The following JADE1 variants were observed in gnomAD, a reference collection of about 807,000 sequenced individuals.
The protein encoded by JADE1 is protein Jade-1.
Under a neutral mutation model 81.8 loss-of-function variants are expected in JADE1, and 14 were observed. The ratio of observed to expected loss-of-function variants is 0.17; its 90% CI spans 0.11 to 0.27. The LOEUF is 0.27. JADE1 is among the 10% of genes least tolerant of loss of function. The pLI is 1.00. For missense variants in JADE1, 690 were observed against 1,047.9 expected (o/e 0.66, Z 4.71); for synonymous variants, 353 against 391.9 (o/e 0.90, Z 1.17).
chr4:128,834,250 A>G (rs1728788997), intron 2 of JADE1, among the ~76,000 whole-genome samples: 2 of 152,336 alleles, frequency 1.3e-5, no homozygotes, highest in South Asian at 4.1e-4. Context: ...AGGTACTGGC[A>G]GGTGTGGTTT....
intron 10 of JADE1, among the ~76,000 whole-genome samples, chr4:128,870,195 T>A (rs1040720848): frequency 6.6e-6 from 1 of 152,238 alleles, no homozygotes; most frequent in Non-Finnish European, 1.5e-5. Flanking sequence ...TGAAGGTTGA[T>A]TCTAATGATT....
At chr4:128,851,910 C>T (rs1730389554) in intron 5 of JADE1, 147 bp from the exon 6 acceptor site, 1 of 631,794 alleles carries the variant, frequency 1.6e-6, no homozygotes, top group Non-Finnish European at 2.7e-6. Context: ...ATGTGAGCCA[C>T]CACGCCTGGC....
At chr4:128,827,360 G>A (rs1213928081) in intron 1 of JADE1, among the ~76,000 whole-genome samples, 2 of 152,244 alleles carry the variant, frequency 1.3e-5, no homozygotes, top group Non-Finnish European at 2.9e-5. Context: ...GAATATAAGT[G>A]TTTGGAGTTG....
chr4:128,841,393 A>G (rs1339911964), intron 2 of JADE1, among the ~76,000 whole-genome samples: 3 of 152,190 alleles, frequency 2.0e-5, no homozygotes, highest in Non-Finnish European at 4.4e-5. Context: ...ACAAATTAAC[A>G]GGAGGCAGAG....
At chr4:128,857,868 G>A (rs138362077) in intron 8 of JADE1, among the ~76,000 whole-genome samples, 6 of 152,242 alleles carry the variant, frequency 3.9e-5, no homozygotes, top group African/African-American at 1.2e-4. Context: ...GCAGACCCTG[G>A]CCCACCTCTG....
chr4:128,821,493 CTTTTT>C (rs66551703), intron 1 of JADE1, among the ~76,000 whole-genome samples: 2 of 118,830 alleles, frequency 1.7e-5, no homozygotes, highest in Admixed American at 8.6e-5. Context: ...ATGGCTTCTT[CTTTTT>C]TTTTTTTTTT....
Position 128,852,027 on chromosome 4 carries a change from A to T in JADE1, c.485-30A>T, listed in dbSNP as rs752604893. 20 of 1,425,234 alleles carry T rather than the reference A, an allele frequency of 1.4e-5. No individual in the cohort carries two copies. The East Asian group carries it at 4.5e-4, about 32-fold the overall frequency. The allele number at this position is 1,425,234 out of a possible 1,614,324, so 88.3% of individuals were successfully genotyped here. A position where few individuals can be genotyped will look rare whatever the true frequency, so the allele number is the denominator to read the frequency against. On this transcript the variant is annotated intron_variant, in intron 5 of 10. Transcript: ENST00000226319. ...AATATTTATTAATATGGATTTATTA[A>T]AATGGGTTTTGTGGCATTTTTAACT...
intron 9 of JADE1, 86 bp from the exon 10 acceptor site, chr4:128,867,770 T>C: frequency 1.3e-6 from 1 of 769,344 alleles, no homozygotes; most frequent in South Asian, 1.9e-5. Flanking sequence ...GTAGGAGTAA[T>C]TTCTCTTAGG....
At chr4:128,823,713 T>C (rs1727784470) in intron 1 of JADE1, among the ~76,000 whole-genome samples, 1 of 152,266 alleles carries the variant, frequency 6.6e-6, no homozygotes, top group Non-Finnish European at 1.5e-5. Context: ...TATTTGTCAG[T>C]TAAATGTATG....
Position 128,873,152 on chromosome 4 carries a change from G to A in JADE1, c.*890G>A, listed in dbSNP as rs1732314358. ...GTACAGTGGCTACTCAAGTTCAAGC[G>A]AAGAACTTCCAGACTCTGGTGACTG... On this transcript the variant is annotated 3_prime_UTR_variant, in exon 11 of 11. Coordinates refer to ENST00000226319, the MANE Select transcript of JADE1 (RefSeq NM_199320.4). The A allele has an allele frequency of 2.5e-5, 5 of 201,826 alleles. No homozygotes were observed. Among genetic ancestry groups the A allele is most frequent in the South Asian group, 1.5e-4 (2 of 13,640 alleles). 12.5% of individuals were successfully genotyped at this position (201,826 alleles called of 1,614,324 possible).
intron 2 of JADE1, among the ~76,000 whole-genome samples, chr4:128,841,772 C>T (rs1376420631): frequency 6.6e-6 from 1 of 152,010 alleles, no homozygotes; most frequent in African/African-American, 2.4e-5. Flanking sequence ...ATATTTGGAG[C>T]AAGAAAAGAG....
chr4:128,839,166 A>G (rs770700880), intron 2 of JADE1, among the ~76,000 whole-genome samples: 1 of 152,220 alleles, frequency 6.6e-6, no homozygotes, highest in Non-Finnish European at 1.5e-5. Flanking sequence ...GCTATGCTCT[A>G]TGTTGTAAAT....
intron 1 of JADE1, among the ~76,000 whole-genome samples, chr4:128,813,515 T>G (rs1456034029): frequency 6.7e-6 from 1 of 149,726 alleles, no homozygotes; most frequent in East Asian, 2.0e-4. Flanking sequence ...GCCTCCTGGG[T>G]TCAAGCGATT....
At chr4:128,836,222 T>G (rs932761395) in intron 2 of JADE1, among the ~76,000 whole-genome samples, 14 of 152,168 alleles carry the variant, frequency 9.2e-5, no homozygotes, top group Non-Finnish European at 4.4e-5. Context: ...AAATCAAAAT[T>G]CTTTGTATAA....
chr4:128,825,483 C>T (rs1727976832), intron 1 of JADE1, among the ~76,000 whole-genome samples: 2 of 152,226 alleles, frequency 1.3e-5, no homozygotes, highest in African/African-American at 2.4e-5. Flanking sequence ...TGGGTTCCTT[C>T]ACATAGTGGC....
intron 1 of JADE1, chr4:128,811,320 A>T (rs1726337285): frequency 6.6e-6 from 1 of 152,164 alleles, no homozygotes; most frequent in Non-Finnish European, 1.5e-5. Flanking sequence ...GGCGGGAGGC[A>T]GGTGCACGGC....
rs547438423 is a variant in JADE1 at position 128,831,949 on chromosome 4, G to A, written c.52+139G>A. 274 of 748,520 alleles carry A rather than the reference G, an allele frequency of 3.7e-4. 1 individual carries two copies. Among genetic ancestry groups the A allele is most frequent in the Non-Finnish European group, 1.2e-4 (52 of 423,350 alleles). The allele number at this position is 748,520 out of a possible 1,614,324, so 46.4% of individuals were successfully genotyped here. ...AGAGAAAGCCAAAGCCTGGAGAAAC[G>A]TACCTGAGTGTGATACTGCAGGTCT... On this transcript the variant is annotated intron_variant, in intron 2 of 10. Coordinates refer to ENST00000226319, the MANE Select transcript of JADE1 (RefSeq NM_199320.4).
At chr4:128,862,754 A>G (rs1471082457) in intron 9 of JADE1, 5 of 1,004,740 alleles carry the variant, frequency 5.0e-6, no homozygotes, top group South Asian at 4.1e-5. Flanking sequence ...TTCTTGGGTA[A>G]TTCACAGGGG....
rs760275842 is a variant in JADE1, at chr4:128,873,970, T to TTAAC, written c.*1710_*1713dup. The TTAAC allele has an allele frequency of 1.3e-5, 2 of 152,664 alleles. No homozygotes were observed. Among genetic ancestry groups the TTAAC allele is most frequent in the Non-Finnish European group, 2.9e-5 (2 of 68,032 alleles). The allele number at this position is 152,664 out of a possible 1,614,324, so 9.5% of individuals were successfully genotyped here. A position where few individuals can be genotyped will look rare whatever the true frequency, so the allele number is the denominator to read the frequency against. On this transcript the variant is annotated 3_prime_UTR_variant, in exon 11 of 11. Transcript: ENST00000226319. ...ATGTACGACATTTTCAAACCAAGTC[T>TTAAC]TAACTTTTCAAGGACATTTTAGTAG... is the stretch of plus-strand genomic sequence containing the variant.
Sources: allele counts gnomAD v4.1 joint callset (sites outside exome capture counted in the v4.1 genomes callset), GRCh38; gene constraint gnomAD v4.1.1; transcripts MANE v1.5; gene names NCBI Gene and HGNC (gene_info 2026-07-23, HGNC 2026-07-21).